Variants in PARP2 observed in about 807,000 individuals in gnomAD.
The protein encoded by PARP2 is poly(ADP-ribose) polymerase 2, also known as poly [ADP-ribose] polymerase 2.
In PARP2, 57 loss-of-function variants were observed where a neutral mutation model predicts 77.8. The ratio of observed to expected loss-of-function variants is 0.73; its 90% CI spans 0.59 to 0.91. The LOEUF (loss-of-function observed/expected upper bound fraction) is 0.91. Ranked by LOEUF, PARP2 falls within the 40% of genes least tolerant of loss-of-function variation. The pLI, the probability that PARP2 is intolerant of heterozygous loss-of-function variation, is 0.00. For synonymous variants in PARP2, 226 were observed against 242.6 expected (o/e 0.93, Z 0.64); for missense variants, 651 against 689.0 (o/e 0.94, Z 0.62).
At position 20,354,419 on chromosome 14, in the gene PARP2, G is replaced by A. The variant is rs530628427; in HGVS notation, c.763+172G>A. 1.4e-3 allele frequency among the ~76,000 whole-genome samples: 213 copies of A among 152,322 alleles called. 1 individual carries two copies. The highest frequency in any genetic ancestry group is 4.9e-3 in the African/African-American group (205 of 41,576). On this transcript the variant is annotated intron_variant, in intron 8 of 15. Coordinates refer to ENST00000429687, the MANE Select transcript of PARP2 (RefSeq NM_001042618.2). ...AGGAACTATTTTGAAAGTTGAGGCT[G>A]GGTGTGATGGGTCATGCCTATAATC... is the stretch of plus-strand genomic sequence containing the variant.
At chr14:20,345,865 G>C (rs1360781684) in intron 3 of PARP2, among the ~76,000 whole-genome samples, 1 of 151,996 alleles carries the variant, frequency 6.6e-6, no homozygotes, top group Non-Finnish European at 1.5e-5. Context: ...GAGAGACAGA[G>C]AGAAAGGGAG....
At chr14:20,352,562 T>TC (rs1883998309) in intron 7 of PARP2, 7 of 342,300 alleles carry the variant, frequency 2.0e-5, no homozygotes, top group Admixed American at 9.7e-5. Flanking sequence ...TTTTTTCTTT[T>TC]TTTTTTGTAA....
At chr14:20,346,994 C>A in intron 4 of PARP2, 81 bp downstream of exon 4, 21 of 823,062 alleles carry the variant, frequency 2.6e-5, no homozygotes, top group Non-Finnish European at 3.5e-5. Flanking sequence ...TCACAGTGTT[C>A]AGATCTTTAA....
In PARP2 at chr14:20,354,802, C is replaced by T; in HGVS notation, c.764-7C>T. On this transcript the variant is annotated splice_region_variant and splice_polypyrimidine_tract_variant and intron_variant, in intron 8 of 15. Transcript: ENST00000429687. ...GTTTGGAGTCTGATCTCTGGGTGGG[C>T]CTGCAGGGAAGCTGACAGTGGCACA... 2 of 1,608,852 alleles carry T rather than the reference C, an allele frequency of 1.2e-6. No individual in the cohort carries two copies. Among genetic ancestry groups the T allele is most frequent in the East Asian group, 2.2e-5 (1 of 44,742 alleles).
Position 20,345,026 on chromosome 14 carries a change from G to A in PARP2, c.141G>A (p.Ser47=), listed in dbSNP as rs1883659945. ...CTCGTAGATGCCAGAGACAGGAGTC[G>A]AAAAAGATGCCTGTGGCTGGAGGAA... ...KKTRRCQRQE[S]KKMPVAGGKA... is the part of the protein sequence containing the mutation. Residue 47 remains serine, a synonymous_variant, in exon 2 of 16, where the codon TCG becomes TCA. Coordinates refer to ENST00000429687, the MANE Select transcript of PARP2 (RefSeq NM_001042618.2). The A allele has an allele frequency of 3.1e-6, 5 of 1,613,816 alleles. No homozygotes were observed. The highest frequency in any genetic ancestry group is 2.7e-5 in the African/African-American group (2 of 74,926).
At chr14:20,357,556 T>C (rs1884204151) in intron 15 of PARP2, 36 bp downstream of exon 15, 3 of 1,602,196 alleles carry the variant, frequency 1.9e-6, no homozygotes, top group Non-Finnish European at 2.6e-6. Flanking sequence ...AGAAGACTCC[T>C]TTTGGCCAGA....
Position 20,344,554 on chromosome 14 carries a change from C to T in PARP2, c.47-378C>T, listed in dbSNP as rs3093886. Among the ~76,000 whole-genome samples, 48 of 152,332 alleles carry T rather than the reference C, an allele frequency of 3.2e-4. 2 individuals carry two copies. The highest frequency in any genetic ancestry group is 7.0e-4 in the African/African-American group (29 of 41,584). On this transcript the variant is annotated intron_variant, in intron 1 of 15. Transcript: ENST00000429687. Reference sequence around the variant, plus strand: ...CTTAAACCGGCGGGGTGAGGTGGCTCACGCCTGTAATCCCTTGGGAGGCCG... The same window carrying T: ...CTTAAACCGGCGGGGTGAGGTGGCTTACGCCTGTAATCCCTTGGGAGGCCG...
rs1343290867 is a variant in PARP2 at position 20,344,865 on chromosome 14, T to C, written c.47-67T>C. 3 of 1,026,260 alleles carry C rather than the reference T, an allele frequency of 2.9e-6. No homozygotes were observed. In the East Asian group the frequency reaches 7.1e-5, roughly 24 times the overall value. The allele number at this position is 1,026,260 out of a possible 1,614,324, so 63.6% of individuals were successfully genotyped here. The stretch of plus-strand genomic sequence containing the variant: ...TAAACCATTTCTTTAAAAGATTTTT[T>C]TCAATCTTTAAAATCTACACGTATT... On this transcript the variant is annotated intron_variant, in intron 1 of 15. Coordinates refer to ENST00000429687, the MANE Select transcript of PARP2 (RefSeq NM_001042618.2).
In PARP2 at chr14:20,356,659, C is replaced by T. The variant is rs1290328786; in HGVS notation, c.1299C>T (p.Ala433=). ...VGILSHGLRI[A]PPEAPITGYM... is the part of the protein sequence containing the mutation. ...TCTTGAGCCATGGGCTTCGAATTGCCCCACCTGAAGCTCCCATCACAGGTT... is the reference window on the plus strand; with the variant it reads ...TCTTGAGCCATGGGCTTCGAATTGCTCCACCTGAAGCTCCCATCACAGGTT... Residue 433 remains alanine (A), a synonymous_variant, in exon 13 of 16, where the codon GCC becomes GCT. Coordinates refer to ENST00000429687, the MANE Select transcript of PARP2 (RefSeq NM_001042618.2). The T allele has an allele frequency of 5.0e-6, 8 of 1,613,730 alleles. No homozygotes were observed. Among genetic ancestry groups the T allele is most frequent in the Non-Finnish European group, 6.8e-6 (8 of 1,179,770 alleles).
intron 4 of PARP2, 69 bp from the exon 5 acceptor site, chr14:20,350,457 G>A (rs1883913933): frequency 1.3e-6 from 1 of 741,494 alleles, no homozygotes; most frequent in African/African-American, 1.7e-5. Context: ...GACGAAGGAT[G>A]AGTCATTGGT....
intron 14 of PARP2, 67 bp from the exon 15 acceptor site, chr14:20,357,329 C>G: frequency 6.5e-7 from 1 of 1,541,934 alleles, no homozygotes; most frequent in Non-Finnish European, 8.8e-7. Context: ...ATGGGATTTT[C>G]TGTTTGGCTT....
chr14:20,354,975 G>C, intron 9 of PARP2, 28 bp downstream of exon 9: 2 of 1,596,506 alleles, frequency 1.3e-6, no homozygotes, highest in Non-Finnish European at 1.7e-6. Flanking sequence ...ACTTCACTTT[G>C]TTCTTCTACC....
At chr14:20,350,494 CT>C (rs780540161) in intron 4 of PARP2, 31 bp from the exon 5 acceptor site, 134 of 1,245,210 alleles carry the variant, frequency 1.1e-4, no homozygotes, top group Middle Eastern at 3.8e-4. Flanking sequence ...TGCAAAACTC[CT>C]TTTTTTTGTT....
rs1566418271 is a variant in PARP2, at chr14:20,347,365, TATATATATATATATATATATATATA to T, written c.324+453_324+477del. On this transcript the variant is annotated intron_variant, in intron 4 of 15. Transcript: ENST00000429687. ...CTTCATATGTGTGTGTGTATATATATATATATATATATATATATATATATATATATATATTTTTTTTTTTTTTTTT... is the reference window on the plus strand; with the variant it reads ...CTTCATATGTGTGTGTGTATATATATTATATATATTTTTTTTTTTTTTTTT... Among the ~76,000 whole-genome samples the T allele has an allele frequency of 4.5e-4, 5 of 11,188 alleles. No homozygotes were observed. The East Asian group carries it at 0.011, about 25-fold the overall frequency. The allele number at this position is 11,188 out of a possible 152,430, so 7.3% of individuals were successfully genotyped here. A position where few individuals can be genotyped will look rare whatever the true frequency, so the allele number is the denominator to read the frequency against.
rs3093926 is a variant in PARP2 at position 20,354,893 on chromosome 14, G to C, written c.848G>C (p.Arg283Pro). The C allele has an allele frequency of 1.6e-5, 26 of 1,613,844 alleles. No individual in the cohort carries two copies. Among genetic ancestry groups the C allele is most frequent in the Non-Finnish European group, 2.2e-5 (26 of 1,179,878 alleles). Residue 283 changes from arginine to proline, a missense_variant, in exon 9 of 16, where the codon CGA becomes CCA. By Grantham distance (103) the Arg-to-Pro change is moderately radical (BLOSUM62 -2). Transcript: ENST00000429687. Reference sequence around the variant, plus strand: ...TGTATTCGGGCTGGCCAGCATGGACGAGCTCTCATGGAAGCATGCAATGAA... The same window carrying C: ...TGTATTCGGGCTGGCCAGCATGGACCAGCTCTCATGGAAGCATGCAATGAA... ...EDCIRAGQHG[R>P]ALMEACNEFY...
At chr14:20,349,022 A>G (rs1280207367) in intron 4 of PARP2, among the ~76,000 whole-genome samples, 1 of 150,270 alleles carries the variant, frequency 6.7e-6, no homozygotes, top group Non-Finnish European at 1.5e-5. Flanking sequence ...CTCCTTCTCA[A>G]AAAAAAAAAG....
intron 11 of PARP2, 54 bp downstream of exon 11, chr14:20,356,085 C>G: frequency 6.3e-7 from 1 of 1,582,290 alleles, no homozygotes; most frequent in Non-Finnish European, 8.6e-7. Context: ...CCACCTCCCC[C>G]ATCCCACTGT....
rs1381150635 is a variant in PARP2 at position 20,345,515 on chromosome 14, C to T, written c.273+51C>T. 5.1e-6 allele frequency: 7 copies of T among 1,359,550 alleles called. No individual in the cohort carries two copies. The South Asian group carries it at 8.3e-5, about 16-fold the overall frequency. 84.2% of individuals were successfully genotyped at this position (1,359,550 alleles called of 1,614,324 possible). A position where few individuals can be genotyped will look rare whatever the true frequency, so the allele number is the denominator to read the frequency against. ...AGTCCATGGATATCTCAGAGAGCAT[C>T]CTTTGTTATAAGGACTCCTGTCTGG... On this transcript the variant is annotated intron_variant, in intron 3 of 15. Transcript: ENST00000429687.
Position 20,357,823 on chromosome 14 carries a change from T to C in PARP2, c.*26T>C. On this transcript the variant is annotated 3_prime_UTR_variant, in exon 16 of 16. Coordinates refer to ENST00000429687, the MANE Select transcript of PARP2 (RefSeq NM_001042618.2). ...ATGTTGATATTAAATAAACCAGAGA[T>C]CTGATCTTCAAGCAAGAAAATAAGC... is the stretch of plus-strand genomic sequence containing the variant. The C allele has an allele frequency of 1.9e-6, 3 of 1,596,894 alleles. No individual in the cohort carries two copies. The highest frequency in any genetic ancestry group is 1.7e-6 in the Non-Finnish European group (2 of 1,170,828).
Sources: gnomAD v4.1 joint callset for allele counts (sites outside exome capture counted in the v4.1 genomes callset) on GRCh38, gnomAD v4.1.1 for gene constraint, MANE v1.5 for transcripts, NCBI Gene and HGNC (gene_info 2026-07-23, HGNC 2026-07-21) for gene names.